DNHD1: variants seen among roughly 807,000 people sequenced by gnomAD.
DNHD1 encodes the protein dynein heavy chain domain 1.
In DNHD1, 383 loss-of-function variants were observed where a neutral mutation model predicts 458.1. The ratio of observed to expected loss-of-function variants is 0.84; its 90% CI spans 0.77 to 0.91. The LOEUF (loss-of-function observed/expected upper bound fraction) is 0.91, where lower values mean the gene tolerates loss of function less well. DNHD1 is among the 40% of genes least tolerant of loss of function. The pLI, the probability that DNHD1 is intolerant of heterozygous loss-of-function variation, is 0.00. For missense variants in DNHD1, 5,336 were observed against 5,866.1 expected (o/e 0.91, Z 2.95); for synonymous variants, 2,203 against 2,376.9 (o/e 0.93, Z 2.13).
chr11:6,571,855 A>G lies in DNHD1; in HGVS notation c.14131A>G (p.Met4711Val). The G allele has an allele frequency of 3.1e-6, 5 of 1,613,996 alleles. No homozygotes were observed. Among genetic ancestry groups the G allele is most frequent in the Admixed American group, 1.7e-5 (1 of 60,024 alleles). The change falls in exon 43 of 43, where the codon ATG becomes GTG. Residue 4711 changes from methionine to valine, a missense_variant. Physicochemically the swap from Met to Val is conservative, Grantham distance 21 (BLOSUM62 1). Transcript: ENST00000254579. The surrounding 1 kb of genome is among the most constrained non-coding windows in gnomAD (Gnocchi z 5.0). ...DLTVYSCPVY[M>V]GGPLGTAKLQ... ...GACTGTGTACTCGTGTCCTGTGTAC[A>G]TGGGAGGGCCCCTTGGCACCGCTAA... is the stretch of plus-strand genomic sequence containing the variant.
In DNHD1 at chr11:6,567,573, A is replaced by T. The variant is rs1239612688; in HGVS notation, c.12064A>T (p.Thr4022Ser). ...AWQAYLSLSS[T>S]VLGPAPGPGP... ...GCAGGCTTACCTGTCACTGTCATCCACAGTGCTGGGTCCTGCACCTGGGCC... is the reference window on the plus strand; with the variant it reads ...GCAGGCTTACCTGTCACTGTCATCCTCAGTGCTGGGTCCTGCACCTGGGCC... The change falls in exon 36 of 43, where the codon ACA becomes TCA. Residue 4022 changes from threonine to serine, a missense_variant. Coordinates refer to ENST00000254579, the MANE Select transcript of DNHD1 (RefSeq NM_144666.3). 1 of 1,613,102 alleles carries T rather than the reference A, an allele frequency of 6.2e-7. No homozygotes were observed. Among genetic ancestry groups the T allele is most frequent in the East Asian group, 2.2e-5 (1 of 44,856 alleles).
rs896550020 is a variant in DNHD1 at position 6,546,550 on chromosome 11, C to T, written c.5611C>T (p.Pro1871Ser). The T allele has an allele frequency of 3.2e-6, 5 of 1,551,370 alleles. No homozygotes were observed. The highest frequency in any genetic ancestry group is 3.9e-5 in the Admixed American group (2 of 50,988). The stretch of plus-strand genomic sequence containing the variant: ...GCGTGAGCTGGTGTCTGGGCCCCTG[C>T]CCTGCCGCCTGCCACTGCTCAAGCA... ...LERELVSGPLPCRLPLLKQIL... is the reference protein window; with the variant it reads ...LERELVSGPLSCRLPLLKQIL... The change falls in exon 21 of 43, where the codon CCC becomes TCC. Residue 1871 changes from proline to serine, a missense_variant. Pro to Ser is a moderately conservative substitution (Grantham distance 74). Around this residue, in one of 4 missense-constraint regions of DNHD1, gnomAD observed 3,932 missense variants for 4,365.6 expected, o/e 0.90. Transcript: ENST00000254579.
chr11:6,538,759 A>G lies in DNHD1; in HGVS notation c.3274A>G (p.Lys1092Glu). 1.3e-6 allele frequency: 2 copies of G among 1,543,588 alleles called. No individual in the cohort carries two copies. The highest frequency in any genetic ancestry group is 1.8e-6 in the Non-Finnish European group (2 of 1,141,812). Residue 1092 changes from lysine (K) to glutamate (E), a missense_variant, in exon 16 of 43, where the codon AAG becomes GAG. By Grantham distance (56) the Lys-to-Glu change is moderately conservative. Coordinates refer to ENST00000254579, the MANE Select transcript of DNHD1 (RefSeq NM_144666.3). ...TCGCAGCTACCTGCCCCTGCTCACT[A>G]AGCTGGGCAGCCTCCACCCACAGAG... ...EFRSYLPLLT[K>E]LGSLHPQSLN...
Position 6,557,400 on chromosome 11 carries a change from A to T in DNHD1, c.8105A>T (p.Glu2702Val). The change falls in exon 25 of 43, where the codon GAG (glutamate) becomes GTG (valine). Residue 2702 changes from glutamate (E) to valine (V), a missense_variant. Transcript: ENST00000254579. The part of the protein sequence containing the change: ...DHQESEEEEE[E>V]ERVPEVESEG... ...CAGGAGAGTGAGGAGGAGGAGGAGGAGGAGAGGGTGCCCGAAGTAGAATCT... is the reference window on the plus strand; with the variant it reads ...CAGGAGAGTGAGGAGGAGGAGGAGGTGGAGAGGGTGCCCGAAGTAGAATCT... 6.4e-7 allele frequency: 1 copy of T among 1,551,078 alleles called. No homozygotes were observed. The highest frequency in any genetic ancestry group is 8.7e-7 in the Non-Finnish European group (1 of 1,147,086).
rs1322888729 is a variant in DNHD1, at chr11:6,564,647, G to A, written c.10599G>A (p.Ser3533=). Residue 3533 remains serine, a synonymous_variant, in exon 32 of 43, where the codon TCG becomes TCA. Transcript: ENST00000254579. The part of the protein sequence containing the change: ...WDGNLKPQAK[S]AHLAGLLLRS... ...GAAACCTGAAGCCACAGGCAAAGTC[G>A]GCCCACCTGGCAGGCTTGCTTCTGC... The A allele has an allele frequency of 1.7e-5, 26 of 1,551,550 alleles. No individual in the cohort carries two copies. The highest frequency in any genetic ancestry group is 2.4e-5 in the East Asian group (1 of 40,924).
chr11:6,546,397 C>T lies in DNHD1; in HGVS notation c.5458C>T (p.Leu1820=), dbSNP rs1296835655. ...CTCTGCTGTGCCTGCCAACCTGCAC[C>T]TGCTGCTGCGGCCTGTGGCATTGGC... The part of the protein sequence containing the change: ...LSSAVPANLH[L]LLRPVALALP... Residue 1820 remains leucine, a synonymous_variant, in exon 21 of 43, where the codon CTG becomes TTG. Transcript: ENST00000254579. 1 of 1,551,968 alleles carries T rather than the reference C, an allele frequency of 6.4e-7. No individual in the cohort carries two copies. The highest frequency in any genetic ancestry group is 8.7e-7 in the Non-Finnish European group (1 of 1,147,056).
In DNHD1 at chr11:6,511,346, C is replaced by T. The variant is rs1852332174; in HGVS notation, c.1309C>T (p.Gln437Ter). 1.2e-6 allele frequency: 2 copies of T among 1,614,116 alleles called. No homozygotes were observed. The highest frequency in any genetic ancestry group is 1.7e-5 in the Admixed American group (1 of 60,010). ...LDRCYELLDL[Q>*]TALAEEKHKA... ...TCGGTGCTATGAGCTGCTGGACCTG[C>T]AGACGGCTCTAGCCGAGGAGAAGCA... The change falls in exon 7 of 43, where the codon CAG becomes TAG. Residue 437 changes from glutamine (Q) to a stop codon, truncating the protein, a stop_gained. Coordinates refer to ENST00000254579, the MANE Select transcript of DNHD1 (RefSeq NM_144666.3). LOFTEE classifies it high-confidence loss of function.
chr11:6,548,052 G>A lies in DNHD1; in HGVS notation c.6905+12G>A, dbSNP rs955867750. On this transcript the variant is annotated intron_variant, in intron 22 of 42. Coordinates refer to ENST00000254579, the MANE Select transcript of DNHD1 (RefSeq NM_144666.3). The surrounding 1 kb of genome is among the most constrained non-coding windows in gnomAD (Gnocchi z 4.4). Reference sequence around the variant, plus strand: ...CACCTTCCCTCCAGGTACCTACCAGGATGGGGGATGGGAGATGCAGAGGGC... The same window carrying A: ...CACCTTCCCTCCAGGTACCTACCAGAATGGGGGATGGGAGATGCAGAGGGC... The A allele has an allele frequency of 6.4e-7, 1 of 1,551,682 alleles. No individual in the cohort carries two copies. The highest frequency in any genetic ancestry group is 1.4e-5 in the African/African-American group (1 of 73,156).
In DNHD1 at chr11:6,528,610, C is replaced by A; in HGVS notation, c.1926C>A (p.Gly642=). ...GCGATGCTGTGAGCATCTTCTGTGGCCCGAATGTGGGATTGGTGTGGCCCT... is the reference window on the plus strand; with the variant it reads ...GCGATGCTGTGAGCATCTTCTGTGGACCGAATGTGGGATTGGTGTGGCCCT... The part of the protein sequence containing the change: ...QPSDAVSIFC[G]PNVGLVWPWK... Residue 642 remains glycine, a synonymous_variant, in exon 11 of 43, where the codon GGC becomes GGA. Coordinates refer to ENST00000254579, the MANE Select transcript of DNHD1 (RefSeq NM_144666.3). 6.4e-7 allele frequency: 1 copy of A among 1,551,710 alleles called. No homozygotes were observed. Among genetic ancestry groups the A allele is most frequent in the Non-Finnish European group, 8.7e-7 (1 of 1,147,000 alleles).
At chr11:6,570,481 A>T in intron 41 of DNHD1, 85 bp downstream of exon 41, 1 of 1,499,300 alleles carries the variant, frequency 6.7e-7, no homozygotes, top group Admixed American at 2.2e-5. Flanking sequence ...CAGCAGTCTC[A>T]ATAAAGGTAT....
At chr11:6,528,842 G>T in intron 11 of DNHD1, 36 bp from the exon 12 acceptor site, 1 of 1,550,166 alleles carries the variant, frequency 6.5e-7, no homozygotes, top group African/African-American at 1.4e-5. Flanking sequence ...CATTATAGCC[G>T]CATGCCTCTG....
chr11:6,535,295 G>A (rs1852921593), intron 14 of DNHD1, among the ~76,000 whole-genome samples: 1 of 152,202 alleles, frequency 6.6e-6, no homozygotes, highest in Admixed American at 6.5e-5. Context: ...GTGTGTTTAT[G>A]TGTATATACA....
chr11:6,530,586 A>C (rs1589877212), intron 12 of DNHD1, among the ~76,000 whole-genome samples: 1 of 152,204 alleles, frequency 6.6e-6, no homozygotes, highest in Non-Finnish European at 1.5e-5. Context: ...GTGGCTTCCC[A>C]GGCCTGCTTT....
In DNHD1 at chr11:6,520,048, T is replaced by C. The variant is rs762869811; in HGVS notation, c.1731T>C (p.Asn577=). 2.5e-6 allele frequency: 4 copies of C among 1,614,018 alleles called. No homozygotes were observed. In the South Asian group the frequency reaches 4.4e-5, roughly 18 times the overall value. The change falls in exon 9 of 43, where the codon AAT becomes AAC. Residue 577 remains asparagine (N), a synonymous_variant. Transcript: ENST00000254579. ...TGTCTCATGTGCCCTGTGTTGAAAATATGATCCAGACTCTAACTGGAGGCC... is the reference window on the plus strand; with the variant it reads ...TGTCTCATGTGCCCTGTGTTGAAAACATGATCCAGACTCTAACTGGAGGCC... ...GQLSHVPCVE[N]MIQTLTGGLQ...
rs1311036897 is a variant in DNHD1 at position 6,533,192 on chromosome 11, C to G, written c.2505+8C>G. On this transcript the variant is annotated splice_region_variant and intron_variant, in intron 13 of 42. Transcript: ENST00000254579. Reference sequence around the variant, plus strand: ...GCACAGTGCACCCAGAAGGTGGGCTCTCCCCATCCATCCTTCCCAGTTTAT... The same window carrying G: ...GCACAGTGCACCCAGAAGGTGGGCTGTCCCCATCCATCCTTCCCAGTTTAT... 1.9e-6 allele frequency: 3 copies of G among 1,550,808 alleles called. No individual in the cohort carries two copies. Among genetic ancestry groups the G allele is most frequent in the Non-Finnish European group, 2.6e-6 (3 of 1,146,648 alleles).
Position 6,538,411 on chromosome 11 carries a change from CTG to C in DNHD1, c.3030_3031del (p.Cys1010TrpfsTer82). 1 of 1,551,776 alleles carries C rather than the reference CTG, an allele frequency of 6.4e-7. No individual in the cohort carries two copies. The highest frequency in any genetic ancestry group is 8.7e-7 in the Non-Finnish European group (1 of 1,147,008). On this transcript the variant is annotated frameshift_variant, in exon 15 of 43. Transcript: ENST00000254579. ...EDETPVPLPI[C>X]GTRPIVQQQR... ...ATGAGACTCCTGTGCCCTTGCCAAT[CTG>C]TGGGACACGTCCTATTGTGCAGCAG... is the stretch of plus-strand genomic sequence containing the variant.
intron 36 of DNHD1, 48 bp downstream of exon 36, chr11:6,567,908 T>C (rs1247209370): frequency 1.3e-6 from 2 of 1,513,132 alleles, no homozygotes; most frequent in Non-Finnish European, 1.8e-6. Context: ...TCCTGTGGGC[T>C]GGGGCATGGG....
chr11:6,565,724 G>A lies in DNHD1; in HGVS notation c.10786G>A (p.Glu3596Lys). 1 of 1,549,284 alleles carries A rather than the reference G, an allele frequency of 6.5e-7. No homozygotes were observed. The highest frequency in any genetic ancestry group is 8.7e-7 in the Non-Finnish European group (1 of 1,146,412). ...GKGLMRNQKR[E>K]SKTDMKEEDD... is the part of the protein sequence containing the mutation. ...AGGCCTCATGAGAAATCAAAAGAGA[G>A]AGAGTAAAACGGACATGAAAGAGGA... The change falls in exon 33 of 43, where the codon GAG (glutamate) becomes AAG (lysine). Residue 3596 changes from glutamate to lysine, a missense_variant. Coordinates refer to ENST00000254579, the MANE Select transcript of DNHD1 (RefSeq NM_144666.3).
At chr11:6,539,767 T>C (rs1225673467) in intron 17 of DNHD1, 109 bp from the exon 18 acceptor site, 2 of 1,015,954 alleles carry the variant, frequency 2.0e-6, no homozygotes, top group African/African-American at 3.2e-5. Context: ...TCCACTTTCC[T>C]GAGCCCTGGC....
Sources: gnomAD v4.1 joint callset for allele counts (sites outside exome capture counted in the v4.1 genomes callset) on GRCh38, gnomAD v4.1.1 for gene constraint, gnomAD v4.1.1 regional missense constraint, Gnocchi (gnomAD v3.1) non-coding constraint, MANE v1.5 for transcripts, NCBI Gene and HGNC (gene_info 2026-07-23, HGNC 2026-07-21) for gene names.